UNC13C: variants seen among roughly 807,000 people sequenced by gnomAD.
The protein encoded by UNC13C is unc-13 homolog C, also known as protein unc-13 homolog C.
Under a neutral mutation model 245.4 loss-of-function variants are expected in UNC13C, and 174 were observed. The ratio of observed to expected loss-of-function variants is 0.71; its 90% confidence interval spans 0.63 to 0.80. The LOEUF is 0.80. Among genes scored for constraint, UNC13C ranks in the 30% least tolerant of loss-of-function variants. UNC13C has a pLI of 0.00. For missense variants in UNC13C, 2,829 were observed against 2,602.9 expected (o/e 1.09, Z -1.89); for synonymous variants, 992 against 895.1 (o/e 1.11, Z -1.93).
the UNC13C span, chr15:53,955,634 A>G: frequency 6.6e-6 from 1 of 152,230 alleles, no homozygotes; most frequent in Non-Finnish European, 1.5e-5. Flanking sequence ...GATAATGTGT[A>G]GGGATATAAA....
At position 54,457,823 on chromosome 15, in the gene UNC13C, C is replaced by A. The variant is rs958304260; in HGVS notation, c.4934-36785C>A. On this transcript the variant is annotated intron_variant, in intron 19 of 32. Coordinates refer to ENST00000260323, the MANE Select transcript of UNC13C (RefSeq NM_001080534.3). ...TGATTTTGTTTATCTTTTTAAACAA[C>A]CAGGTTTCTGTTTCATTTATCTTTT... Among the ~76,000 whole-genome samples the A allele has an allele frequency of 2.7e-5, 4 of 150,490 alleles. No individual in the cohort carries two copies. In the East Asian group the frequency reaches 7.7e-4, roughly 29 times the overall value.
the UNC13C span, among the ~76,000 whole-genome samples, chr15:53,869,002 C>CA: frequency 2.5e-4 from 38 of 152,062 alleles, no homozygotes; most frequent in Non-Finnish European, 5.3e-4. Context: ...CTGGGCTACT[C>CA]AGAGGCTGAG....
chr15:54,281,176 T>C (rs917645535), intron 10 of UNC13C, among the ~76,000 whole-genome samples: 2 of 152,184 alleles, frequency 1.3e-5, no homozygotes, highest in African/African-American at 4.8e-5. Flanking sequence ...AAAACAATTA[T>C]AATAGTTTAT....
At chr15:54,255,807 C>A (rs1401103008) in intron 8 of UNC13C, among the ~76,000 whole-genome samples, 1 of 152,174 alleles carries the variant, frequency 6.6e-6, no homozygotes, top group African/African-American at 2.4e-5. Context: ...TCCCTGACCC[C>A]CTTCCATATC....
chr15:53,897,739 C>T, the UNC13C span, among the ~76,000 whole-genome samples: 10 of 152,174 alleles, frequency 6.6e-5, no homozygotes, highest in East Asian at 1.9e-4. Context: ...TGACACTCTA[C>T]GTAGACCCCT....
At chr15:53,900,703 C>T in the UNC13C span, among the ~76,000 whole-genome samples, 7 of 152,100 alleles carry the variant, frequency 4.6e-5, no homozygotes, top group African/African-American at 1.7e-4. Flanking sequence ...CATTATCTTC[C>T]ACTTTAAATC....
At chr15:54,592,899 A>T (rs1270937650) in intron 30 of UNC13C, among the ~76,000 whole-genome samples, 1 of 141,074 alleles carries the variant, frequency 7.1e-6, no homozygotes, top group African/African-American at 2.6e-5. Flanking sequence ...TTTGTTGTAT[A>T]GGTCTTGTGT....
intron 19 of UNC13C, among the ~76,000 whole-genome samples, chr15:54,457,503 G>T (rs960403160): frequency 6.6e-6 from 1 of 151,946 alleles, no homozygotes; most frequent in Admixed American, 6.6e-5. Flanking sequence ...AATCCATCTG[G>T]CCGTGGACTT....
rs995658393 is a variant in UNC13C, at chr15:54,199,735, C to G, written c.3072-35295C>G. On this transcript the variant is annotated intron_variant, in intron 4 of 32. Transcript: ENST00000260323. ...TCTTCTAAATAAACCAAAATAGAAC[C>G]TACTTAAAGCACAAATCTCACAGGA... 5.3e-5 allele frequency among the ~76,000 whole-genome samples: 8 copies of G among 151,982 alleles called. No individual in the cohort carries two copies. In the East Asian group the frequency reaches 9.6e-4, roughly 18 times the overall value.
intron 4 of UNC13C, among the ~76,000 whole-genome samples, chr15:54,204,981 G>A (rs1288527410): frequency 2.0e-5 from 3 of 151,926 alleles, no homozygotes; most frequent in Non-Finnish European, 4.4e-5. Context: ...TCTAAAATAT[G>A]TTTTATTCTT....
At chr15:54,292,928 A>T (rs754346208) in intron 10 of UNC13C, among the ~76,000 whole-genome samples, 77 of 148,414 alleles carry the variant, frequency 5.2e-4, no homozygotes, top group Non-Finnish European at 9.5e-4. Flanking sequence ...ATATATAGAG[A>T]TAGATATCTA....
intron 10 of UNC13C, among the ~76,000 whole-genome samples, chr15:54,281,469 T>C (rs541548874): frequency 1.3e-5 from 2 of 152,344 alleles, no homozygotes; most frequent in South Asian, 4.1e-4. Flanking sequence ...TATTTTTTCA[T>C]GGCATTTTCT....
intron 7 of UNC13C, among the ~76,000 whole-genome samples, chr15:54,239,349 G>A (rs1328473024): frequency 1.3e-5 from 2 of 152,166 alleles, no homozygotes; most frequent in African/African-American, 4.8e-5. Context: ...GTTTGACTAT[G>A]TGGAGGCTAC....
chr15:54,624,040 C>A, intron 32 of UNC13C, 86 bp downstream of exon 32: 2 of 1,514,510 alleles, frequency 1.3e-6, no homozygotes, highest in Non-Finnish European at 1.8e-6. Flanking sequence ...GTGTGAAGGG[C>A]TAAGGAAAAT....
intron 2 of UNC13C, among the ~76,000 whole-genome samples, chr15:54,084,274 A>G (rs914932883): frequency 2.0e-5 from 3 of 151,736 alleles, no homozygotes; most frequent in African/African-American, 4.8e-5. Flanking sequence ...CTCTCTTTCT[A>G]TTGGTCAGTT....
intron 10 of UNC13C, among the ~76,000 whole-genome samples, chr15:54,288,026 A>C (rs186296824): frequency 3.5e-4 from 53 of 152,292 alleles, no homozygotes; most frequent in African/African-American, 1.2e-3. Flanking sequence ...ACACAAATTA[A>C]ACACTATGTA....
intron 10 of UNC13C, among the ~76,000 whole-genome samples, chr15:54,278,696 G>A (rs1194893654): frequency 6.6e-6 from 1 of 151,972 alleles, no homozygotes; most frequent in African/African-American, 2.4e-5. Context: ...AGCACATACT[G>A]GATTTTCAGT....
intron 10 of UNC13C, among the ~76,000 whole-genome samples, chr15:54,284,511 G>A (rs1159888894): frequency 2.0e-5 from 3 of 152,138 alleles, no homozygotes; most frequent in Admixed American, 6.5e-5. Flanking sequence ...CAGAGGAGTA[G>A]GGAAAAGACA....
At chr15:54,175,508 ATTTTTT>A (rs55925649) in intron 4 of UNC13C, among the ~76,000 whole-genome samples, 3 of 106,044 alleles carry the variant, frequency 2.8e-5, no homozygotes, top group African/African-American at 1.1e-4. Flanking sequence ...TGGCCCTAGA[ATTTTTT>A]TTTTTTTTTT....
Sources: gnomAD v4.1 joint callset for allele counts (sites outside exome capture counted in the v4.1 genomes callset) on GRCh38, gnomAD v4.1.1 for gene constraint, MANE v1.5 for transcripts, NCBI Gene and HGNC (gene_info 2026-07-23, HGNC 2026-07-21) for gene names.